COL18A1: variants seen among roughly 807,000 people sequenced by gnomAD.
COL18A1 encodes collagen alpha-1(XVIII) chain.
In COL18A1, 133 loss-of-function variants were observed where a neutral mutation model predicts 168.0. The observed-to-expected ratio is 0.79, with a 90% CI of 0.69 to 0.91. The LOEUF (loss-of-function observed/expected upper bound fraction) is 0.91, where lower values mean the gene tolerates loss of function less well. Among genes scored for constraint, COL18A1 ranks in the 40% least tolerant of loss-of-function variants. The pLI, the probability that COL18A1 is intolerant of heterozygous loss-of-function variation, is 0.00. For synonymous variants in COL18A1, 949 were observed against 809.0 expected (o/e 1.17, Z -2.94); for missense variants, 2,126 against 1,925.4 (o/e 1.10, Z -1.95).
At position 45,504,372 on chromosome 21, in the gene COL18A1, G is replaced by T. The variant is rs756858761; in HGVS notation, c.2728-44G>T. On this transcript the variant is annotated intron_variant, in intron 33 of 41. Coordinates refer to ENST00000651438, the MANE Select transcript of COL18A1 (RefSeq NM_001379500.1). Reference sequence around the variant, plus strand: ...GGGGATGGGAGGCCACCTGTGGCTTGTAGGGGTTCAGGGCTCCCGTGTAAC... The same window carrying T: ...GGGGATGGGAGGCCACCTGTGGCTTTTAGGGGTTCAGGGCTCCCGTGTAAC... 3.9e-5 allele frequency: 62 copies of T among 1,591,524 alleles called. 1 individual carries two copies. In the East Asian group the frequency reaches 1.1e-3, roughly 29 times the overall value.
At position 45,473,004 on chromosome 21, in the gene COL18A1, C is replaced by A. The variant is rs1263802672; in HGVS notation, c.652-891C>A. On this transcript the variant is annotated intron_variant, in intron 3 of 41. Coordinates refer to ENST00000651438, the MANE Select transcript of COL18A1 (RefSeq NM_001379500.1). This position sits in a 1 kb window ranked among gnomAD's most constrained non-coding sequence, Gnocchi z 4.0. ...ATGGGGAGCCCCAGGCTCCAGCTGG[C>A]CTCGCTTGGCTCTGAAATCTAGGCC... is the stretch of plus-strand genomic sequence containing the variant. 6.6e-6 allele frequency among the ~76,000 whole-genome samples: 1 copy of A among 152,206 alleles called. No individual in the cohort carries two copies. The highest frequency in any genetic ancestry group is 2.4e-5 in the African/African-American group (1 of 41,454).
intron 17 of COL18A1, among the ~76,000 whole-genome samples, chr21:45,487,816 T>C (rs946916457): frequency 6.6e-6 from 1 of 152,194 alleles, no homozygotes; most frequent in Non-Finnish European, 1.5e-5. Context: ...ATTCAAGTCA[T>C]CACATTCTTT....
chr21:45,468,000 A>G (rs988728747), intron 2 of COL18A1, among the ~76,000 whole-genome samples: 2 of 152,186 alleles, frequency 1.3e-5, no homozygotes, highest in African/African-American at 4.8e-5. Context: ...TCTCCTGCAG[A>G]CACCATGTCC....
rs2033064487 is a variant in COL18A1, at chr21:45,405,430, C to G, written c.63C>G (p.Pro21=). Residue 21 remains proline (P), a synonymous_variant, in exon 2 of 42, where the codon CCC becomes CCG. Coordinates refer to ENST00000651438, the MANE Select transcript of COL18A1 (RefSeq NM_001379500.1). ...RRRRLLDVLA[P]LVLLLGVRAA... is the part of the protein sequence containing the mutation. ...GGCGCCTCCTGGACGTGCTCGCGCC[C>G]CTGGTCCTGCTGCTCGGGGTCCGCG... 1.5e-6 allele frequency: 2 copies of G among 1,374,398 alleles called. No individual in the cohort carries two copies. The allele number at this position is 1,374,398 out of a possible 1,614,324, so 85.1% of individuals were successfully genotyped here. A position where few individuals can be genotyped will look rare whatever the true frequency, so the allele number is the denominator to read the frequency against.
At position 45,510,050 on chromosome 21, in the gene COL18A1, C is replaced by T. The variant is rs747780707; in HGVS notation, c.3496-14C>T. The T allele has an allele frequency of 2.6e-6, 4 of 1,548,296 alleles. No homozygotes were observed. The South Asian group carries it at 3.5e-5, about 14-fold the overall frequency. On this transcript the variant is annotated splice_polypyrimidine_tract_variant and intron_variant, in intron 39 of 41. Transcript: ENST00000651438. ...GCGTGGGACACAGCCCGTGACGCGCCCCTCTCCCCGCAGCTCCACCTGGTT... is the reference window on the plus strand; with the variant it reads ...GCGTGGGACACAGCCCGTGACGCGCTCCTCTCCCCGCAGCTCCACCTGGTT...
At chr21:45,493,638 G>A (rs1233824593) in intron 26 of COL18A1, 63 bp downstream of exon 26, 8 of 1,241,486 alleles carry the variant, frequency 6.4e-6, no homozygotes, top group Admixed American at 6.0e-5. Flanking sequence ...GAGACAGCCT[G>A]GGGAGGGTCT....
At chr21:45,433,400 G>A (rs114476274) in intron 2 of COL18A1, among the ~76,000 whole-genome samples, 2,870 of 152,302 alleles carry the variant, frequency 0.019, 70 homozygotes, top group African/African-American at 0.057. Flanking sequence ...CTCTCTGGTC[G>A]TCTTTGTGTG....
chr21:45,492,632 G>T (rs965966960), intron 23 of COL18A1, 55 bp from the exon 24 acceptor site: 60 of 1,610,364 alleles, frequency 3.7e-5, no homozygotes, highest in Non-Finnish European at 5.0e-5. Flanking sequence ...GGTGGGGTCC[G>T]GGCAGGCGCG....
chr21:45,444,881 C>T (rs1471282971), intron 2 of COL18A1, among the ~76,000 whole-genome samples: 2 of 152,120 alleles, frequency 1.3e-5, no homozygotes, highest in African/African-American at 4.8e-5. Flanking sequence ...AAAAATCAAT[C>T]TCACTCAAAA....
At position 45,490,329 on chromosome 21, in the gene COL18A1, G is replaced by T; in HGVS notation, c.2014G>T (p.Gly672Cys). 3 of 1,582,978 alleles carry T rather than the reference G, an allele frequency of 1.9e-6. No homozygotes were observed. Among genetic ancestry groups the T allele is most frequent in the Non-Finnish European group, 2.6e-6 (3 of 1,165,164 alleles). Reference protein sequence around the residue: ...PGFPGLPGREGIAGPQGPKGD... With the variant: ...PGFPGLPGRECIAGPQGPKGD... ...GTTCCCCGGCCTCCCTGGCAGAGAG[G>T]GCATTGCTGGGCCCCAGGTGAGTTG... is the stretch of plus-strand genomic sequence containing the variant. Residue 672 changes from glycine (G) to cysteine (C), a missense_variant, in exon 20 of 42, where the codon GGC becomes TGC. Physicochemically the swap from Gly to Cys is radical, Grantham distance 159. Transcript: ENST00000651438.
chr21:45,432,584 G>A (rs1012501558), intron 2 of COL18A1, among the ~76,000 whole-genome samples: 23 of 152,182 alleles, frequency 1.5e-4, no homozygotes, highest in African/African-American at 3.9e-4. Context: ...AACATCTGCC[G>A]CATCTCAGAG....
Position 45,492,701 on chromosome 21 carries a change from C to T in COL18A1, c.2202C>T (p.Phe734=), listed in dbSNP as rs548261650. Residue 734 remains phenylalanine (F), a synonymous_variant, in exon 24 of 42, where the codon TTC becomes TTT. Coordinates refer to ENST00000651438, the MANE Select transcript of COL18A1 (RefSeq NM_001379500.1). ...TCTTTCCCCAGGGCCGGCCGGGTTT[C>T]GCAGGCTTTCCCGTGAGTAACCTGG... ...SVPGPEGRPG[F]AGFPGPAGPK... 129 of 1,609,794 alleles carry T rather than the reference C, an allele frequency of 8.0e-5. 1 individual carries two copies. The South Asian group carries it at 9.0e-4, about 11-fold the overall frequency.
At chr21:45,438,417 G>A (rs1022475318) in intron 2 of COL18A1, among the ~76,000 whole-genome samples, 2 of 152,028 alleles carry the variant, frequency 1.3e-5, no homozygotes, top group Admixed American at 1.3e-4. Context: ...CCAGGGCTGG[G>A]CAGGGGACCC....
chr21:45,480,589 A>G, intron 12 of COL18A1, 69 bp downstream of exon 12: 3 of 1,613,586 alleles, frequency 1.9e-6, no homozygotes, highest in Middle Eastern at 1.7e-4. Flanking sequence ...TGGACCCCCA[A>G]GATTCAGCTG....
intron 2 of COL18A1, among the ~76,000 whole-genome samples, chr21:45,418,159 C>G (rs367616997): frequency 1.3e-5 from 2 of 152,272 alleles, no homozygotes; most frequent in African/African-American, 4.8e-5. Context: ...GGGGAGCCGG[C>G]TCTGACTCCG....
chr21:45,483,998 A>ACACACACCTCTCCAGCATATGTACACATG (rs2035990381), intron 15 of COL18A1, among the ~76,000 whole-genome samples: 1 of 93,972 alleles, frequency 1.1e-5, no homozygotes, highest in African/African-American at 3.7e-5. Flanking sequence ...GTACACATGC[A>ACACACACCTCTCCAGCATATGTACACATG]CACACACCTC....
chr21:45,456,177 GT>G, intron 2 of COL18A1: 1 of 1,594,646 alleles, frequency 6.3e-7, no homozygotes, highest in Non-Finnish European at 8.6e-7. Flanking sequence ...CCATCTTCAG[GT>G]AGAGCTTCTC....
chr21:45,479,040 G>A lies in COL18A1; in HGVS notation c.1248+687G>A, dbSNP rs917439694. On this transcript the variant is annotated intron_variant, in intron 9 of 41. Coordinates refer to ENST00000651438, the MANE Select transcript of COL18A1 (RefSeq NM_001379500.1). Reference sequence around the variant, plus strand: ...GACAAAGGACAGTCGGCTGGGGGGCGGCACGGGGCCCACCCACTGCAACAG... The same window carrying A: ...GACAAAGGACAGTCGGCTGGGGGGCAGCACGGGGCCCACCCACTGCAACAG... Among the ~76,000 whole-genome samples, 4 of 151,970 alleles carry A rather than the reference G, an allele frequency of 2.6e-5. No homozygotes were observed. In the South Asian group the frequency reaches 6.2e-4, roughly 24 times the overall value.
At chr21:45,489,580 G>T (rs576208873) in intron 19 of COL18A1, 59 bp downstream of exon 19, 26 of 1,172,898 alleles carry the variant, frequency 2.2e-5, no homozygotes, top group Non-Finnish European at 2.9e-5. Flanking sequence ...GGGCCCAGCC[G>T]GACACCTGCG....
Sources: gnomAD v4.1 joint callset for allele counts (sites outside exome capture counted in the v4.1 genomes callset) on GRCh38, gnomAD v4.1.1 for gene constraint, Gnocchi (gnomAD v3.1) non-coding constraint, MANE v1.5 for transcripts, NCBI Gene and HGNC (gene_info 2026-07-23, HGNC 2026-07-21) for gene names.